TPRG1: variants seen among roughly 807,000 people sequenced by gnomAD.
The protein encoded by TPRG1 is tumor protein p63 regulated 1.
In TPRG1, 29 loss-of-function variants were observed where a neutral mutation model predicts 29.3. The observed-to-expected ratio is 0.99, with a 90% CI of 0.74 to 1.35. TPRG1 has a LOEUF of 1.35. Among genes scored for constraint, TPRG1 ranks in the 40% most tolerant of loss-of-function variants. The probability of loss-of-function intolerance (pLI) is 0.00; values close to 1 mark genes in which losing one functional copy is unlikely to be tolerated. For missense variants in TPRG1, 327 were observed against 335.0 expected (o/e 0.98, Z 0.19); for synonymous variants, 130 against 116.8 (o/e 1.11, Z -0.73).
At chr3:189,084,538 T>TA (rs1717810753) in intron 4 of TPRG1, among the ~76,000 whole-genome samples, 1 of 152,242 alleles carries the variant, frequency 6.6e-6, no homozygotes, top group African/African-American at 2.4e-5. Context: ...GTATGCAACT[T>TA]AAAGATTTCA....
At chr3:189,155,887 T>C (rs1485888056) in intron 5 of TPRG1, among the ~76,000 whole-genome samples, 2 of 152,162 alleles carry the variant, frequency 1.3e-5, no homozygotes, top group Non-Finnish European at 2.9e-5. Context: ...TTATGCAGGA[T>C]GAATAAGTTT....
intron 3 of TPRG1, among the ~76,000 whole-genome samples, chr3:189,139,150 G>A (rs940596397): frequency 6.6e-6 from 1 of 152,234 alleles, no homozygotes; most frequent in Non-Finnish European, 1.5e-5. Flanking sequence ...CACAAAGGAG[G>A]AGGACCTGGT....
chr3:189,203,993 A>G (rs1432640271), intron 1 of TPRG1, among the ~76,000 whole-genome samples: 2 of 142,086 alleles, frequency 1.4e-5, no homozygotes, highest in Non-Finnish European at 3.0e-5. Context: ...GTGAGCCTAG[A>G]TCGTGCCACT....
chr3:189,176,065 G>C (rs900573863), intron 1 of TPRG1, among the ~76,000 whole-genome samples: 1 of 152,160 alleles, frequency 6.6e-6, no homozygotes, highest in African/African-American at 2.4e-5. Context: ...TTCCAGGTGG[G>C]TGAAGGGAAA....
At chr3:189,186,453 A>G (rs1048136884) in intron 1 of TPRG1, among the ~76,000 whole-genome samples, 2 of 152,212 alleles carry the variant, frequency 1.3e-5, no homozygotes, top group African/African-American at 4.8e-5. Flanking sequence ...CAAAAAACCT[A>G]GTAACTTGTT....
chr3:189,231,452 T>C (rs1036256777), intron 3 of TPRG1, among the ~76,000 whole-genome samples: 2 of 152,140 alleles, frequency 1.3e-5, no homozygotes, highest in Non-Finnish European at 2.9e-5. Context: ...TCAGTGAATA[T>C]ACAAAGTGTT....
At chr3:189,038,014 G>A (rs544808960) in intron 4 of TPRG1, among the ~76,000 whole-genome samples, 7 of 151,458 alleles carry the variant, frequency 4.6e-5, no homozygotes, top group African/African-American at 1.7e-4. Context: ...AATAAAAAAT[G>A]TATAGAATTC....
chr3:189,313,800 TA>T (rs1723066018), intron 5 of TPRG1, among the ~76,000 whole-genome samples: 1 of 152,068 alleles, frequency 6.6e-6, no homozygotes. Context: ...AAAATGCAAA[TA>T]TTTTTAAGAG....
chr3:189,161,758 G>T (rs1280945229), intron 5 of TPRG1, among the ~76,000 whole-genome samples: 1 of 152,152 alleles, frequency 6.6e-6, no homozygotes, highest in Non-Finnish European at 1.5e-5. Context: ...AGATTAATCA[G>T]GGAATGACAA....
intron 4 of TPRG1, among the ~76,000 whole-genome samples, chr3:189,084,333 A>G (rs1204908194): frequency 1.3e-5 from 2 of 152,184 alleles, no homozygotes; most frequent in African/African-American, 4.8e-5. Context: ...GAGCTTGTCA[A>G]GGGGTCTTAC....
chr3:189,312,157 C>A (rs910630938), intron 5 of TPRG1, among the ~76,000 whole-genome samples: 1 of 61,946 alleles, frequency 1.6e-5, no homozygotes, highest in Non-Finnish European at 3.0e-5. Flanking sequence ...TTCTTTCTTT[C>A]TTTCTTTCTT....
chr3:189,005,280 T>G (rs1712229074), intron 3 of TPRG1, among the ~76,000 whole-genome samples: 1 of 152,122 alleles, frequency 6.6e-6, no homozygotes, highest in African/African-American at 2.4e-5. Context: ...ATCACCTCAG[T>G]GCCGAGTAAA....
At chr3:189,271,855 G>A (rs1397974224) in intron 4 of TPRG1, among the ~76,000 whole-genome samples, 1 of 152,194 alleles carries the variant, frequency 6.6e-6, no homozygotes, top group African/African-American at 2.4e-5. Context: ...GTGGTATGAT[G>A]ACATGTTAAC....
chr3:189,095,264 C>T (rs1247145704), upstream of TPRG1, among the ~76,000 whole-genome samples: 1 of 152,124 alleles, frequency 6.6e-6, no homozygotes, highest in Non-Finnish European at 1.5e-5. Context: ...GTAATGAAGA[C>T]TGGCAAGGTT....
intron 5 of TPRG1, among the ~76,000 whole-genome samples, chr3:189,158,348 C>T (rs994348920): frequency 3.9e-5 from 6 of 152,126 alleles, no homozygotes; most frequent in Admixed American, 3.9e-4. Context: ...GTGGCTCACA[C>T]CTGTAATACC....
Position 189,122,355 on chromosome 3 carries a change from A to G in TPRG1, c.-743-4702A>G, listed in dbSNP as rs535231176. Among the ~76,000 whole-genome samples the G allele has an allele frequency of 3.0e-4, 46 of 152,296 alleles. No homozygotes were observed. In the South Asian group the frequency reaches 8.9e-3, roughly 29 times the overall value. On this transcript the variant is annotated intron_variant, in intron 1 of 6. Transcript: ENST00000412373. ...CTAACTCAATTTTTGATTTTCCCAAATGACTTTTCTTGTGAAATCTGGTTT... is the reference window on the plus strand; with the variant it reads ...CTAACTCAATTTTTGATTTTCCCAAGTGACTTTTCTTGTGAAATCTGGTTT...
chr3:189,238,740 CACTGGA>C lies in TPRG1; in HGVS notation c.313_318del (p.Trp105_Asn106del). The C allele has an allele frequency of 6.2e-7, 1 of 1,610,582 alleles. No individual in the cohort carries two copies. On this transcript the variant is annotated inframe_deletion, in exon 4 of 6. Transcript: ENST00000345063. The stretch of plus-strand genomic sequence containing the variant: ...CTATGATGATTCCTATAGGATAGAC[CACTGGA>C]ACAATGAGAAGGAGAGAATTCTACT...
intron 1 of TPRG1, among the ~76,000 whole-genome samples, chr3:189,189,155 T>C (rs1041784884): frequency 1.7e-4 from 26 of 152,164 alleles, no homozygotes; most frequent in African/African-American, 5.5e-4. Context: ...TAAGACAACC[T>C]ATAATCCCAT....
chr3:189,288,902 A>G (rs1718525797), intron 4 of TPRG1, among the ~76,000 whole-genome samples: 1 of 152,230 alleles, frequency 6.6e-6, no homozygotes, highest in African/African-American at 2.4e-5. Flanking sequence ...CCAGCTTGTT[A>G]TGAGGTAACC....
Sources: gnomAD v4.1 joint callset for allele counts (sites outside exome capture counted in the v4.1 genomes callset) on GRCh38, gnomAD v4.1.1 for gene constraint, MANE v1.5 for transcripts, NCBI Gene and HGNC (gene_info 2026-07-23, HGNC 2026-07-21) for gene names.